The following TSGA10 variants were observed in gnomAD, a reference collection of about 807,000 sequenced individuals.
The protein encoded by TSGA10 is testis-specific gene 10 protein.
A neutral mutation model predicts 96.6 loss-of-function variants in TSGA10; 43 were observed. That is an observed-to-expected ratio of 0.44 (90% CI 0.35 to 0.57). The LOEUF (loss-of-function observed/expected upper bound fraction) is 0.57, where lower values mean the gene tolerates loss of function less well. Among genes scored for constraint, TSGA10 ranks in the 20% least tolerant of loss-of-function variants. The probability of loss-of-function intolerance (pLI) is 0.01; values close to 1 mark genes in which losing one functional copy is unlikely to be tolerated. For synonymous variants in TSGA10, 229 were observed against 269.9 expected, an observed-to-expected ratio of 0.85 and a Z score of 1.48; for missense variants, 703 against 834.4, an observed-to-expected ratio of 0.84 and a Z score of 1.94.
intron 16 of TSGA10, among the ~76,000 whole-genome samples, chr2:99,042,768 A>C (rs959037887): frequency 6.7e-6 from 1 of 149,896 alleles, no homozygotes; most frequent in African/African-American, 2.5e-5. Context: ...TAGTGGCGTG[A>C]TCTCAGCTCA....
intron 15 of TSGA10, among the ~76,000 whole-genome samples, chr2:99,065,442 C>T (rs1167394441): frequency 1.3e-5 from 2 of 152,186 alleles, no homozygotes; most frequent in Non-Finnish European, 2.9e-5. Flanking sequence ...CCACAGCCTG[C>T]TTTTCCCATA....
chr2:99,012,602 T>C (rs781366159), intron 20 of TSGA10, among the ~76,000 whole-genome samples: 20 of 152,100 alleles, frequency 1.3e-4, no homozygotes, highest in Non-Finnish European at 2.1e-4. Context: ...TATATAATGA[T>C]AAAAGGAATA....
intron 12 of TSGA10, among the ~76,000 whole-genome samples, chr2:99,074,313 C>T (rs1286144410): frequency 6.7e-6 from 1 of 150,290 alleles, no homozygotes; most frequent in Non-Finnish European, 1.5e-5. Flanking sequence ...TGCGCCCGGC[C>T]GTTCCTATTT....
intron 17 of TSGA10, among the ~76,000 whole-genome samples, chr2:99,024,908 C>T (rs952256122): frequency 2.6e-5 from 4 of 152,106 alleles, no homozygotes; most frequent in Admixed American, 6.5e-5. Flanking sequence ...GTGTGGTTTT[C>T]GTTCTTGATT....
At chr2:99,078,948 T>C in intron 11 of TSGA10, 135 bp from the exon 12 acceptor site, 4 of 739,636 alleles carry the variant, frequency 5.4e-6, no homozygotes, top group Non-Finnish European at 7.8e-6. Flanking sequence ...ATGAGTACTA[T>C]ATCCCAAATT....
Position 99,135,453 on chromosome 2 carries a change from C to T in TSGA10, c.-620-8277G>A, listed in dbSNP as rs570001761. 2.6e-5 allele frequency among the ~76,000 whole-genome samples: 4 copies of T among 152,270 alleles called. No individual in the cohort carries two copies. The South Asian group carries it at 8.3e-4, about 32-fold the overall frequency. On this transcript the variant is annotated intron_variant, in intron 1 of 20. Transcript: ENST00000393483. ...GAGCTGCAGACAGAATAGAACAGTTCCTATTTGGCCATCTTGCCAGCCACT... is the reference window on the plus strand; with the variant it reads ...GAGCTGCAGACAGAATAGAACAGTTTCTATTTGGCCATCTTGCCAGCCACT...
At chr2:99,151,930 T>G (rs1262370182) in intron 1 of TSGA10, among the ~76,000 whole-genome samples, 1 of 152,222 alleles carries the variant, frequency 6.6e-6, no homozygotes, top group Non-Finnish European at 1.5e-5. Context: ...GGGGGGAAGC[T>G]ATATTTTATT....
intron 10 of TSGA10, among the ~76,000 whole-genome samples, chr2:99,097,125 T>C (rs1279152997): frequency 1.3e-5 from 2 of 152,220 alleles, no homozygotes; most frequent in African/African-American, 4.8e-5. Flanking sequence ...AAACGCTCTG[T>C]ATCTTTTTTA....
intron 1 of TSGA10, chr2:99,141,288 GA>G: frequency 1.8e-6 from 1 of 570,766 alleles, no homozygotes; most frequent in African/African-American, 2.1e-5. Context: ...CGGGAAGGAG[GA>G]GGGGGCGGTT....
At chr2:99,041,716 AC>A (rs1377148327) in intron 16 of TSGA10, among the ~76,000 whole-genome samples, 3 of 152,198 alleles carry the variant, frequency 2.0e-5, no homozygotes, top group South Asian at 2.1e-4. Context: ...AAGACCTAAA[AC>A]CATAAAAATT....
intron 10 of TSGA10, among the ~76,000 whole-genome samples, chr2:99,096,173 A>C (rs2090012594): frequency 6.6e-6 from 1 of 152,264 alleles, no homozygotes; most frequent in Non-Finnish European, 1.5e-5. Context: ...ATTGTAAATT[A>C]AAACATTAGG....
intron 10 of TSGA10, chr2:99,102,605 GTT>G: frequency 6.2e-7 from 1 of 1,614,120 alleles, no homozygotes; most frequent in South Asian, 1.1e-5. Flanking sequence ...TACATGCTCA[GTT>G]TATTACAACT....
intron 17 of TSGA10, among the ~76,000 whole-genome samples, chr2:99,034,696 T>G (rs541333979): frequency 1.3e-5 from 2 of 152,190 alleles, no homozygotes; most frequent in African/African-American, 4.8e-5. Flanking sequence ...CTGGGCTGAA[T>G]AGAAATTTCC....
intron 1 of TSGA10, among the ~76,000 whole-genome samples, chr2:99,139,574 T>C (rs2093451722): frequency 6.6e-6 from 1 of 152,186 alleles, no homozygotes; most frequent in South Asian, 2.1e-4. Flanking sequence ...ACTGCCTCAC[T>C]AACAGAAGGA....
chr2:99,037,485 G>A (rs915692352), intron 16 of TSGA10, among the ~76,000 whole-genome samples: 1 of 152,204 alleles, frequency 6.6e-6, no homozygotes, highest in South Asian at 2.1e-4. Flanking sequence ...TTTGTGGCAT[G>A]TAGTTAAAGC....
chr2:99,120,510 C>T (rs915758002), intron 2 of TSGA10, among the ~76,000 whole-genome samples: 2 of 152,136 alleles, frequency 1.3e-5, no homozygotes, highest in Non-Finnish European at 2.9e-5. Context: ...GGACAGAATG[C>T]CTAGAATTTG....
chr2:99,039,912 A>T (rs1240684559), intron 16 of TSGA10, among the ~76,000 whole-genome samples: 2 of 152,192 alleles, frequency 1.3e-5, no homozygotes, highest in Non-Finnish European at 2.9e-5. Context: ...TAACAAAAAG[A>T]TAATACATCA....
At chr2:99,113,815 G>C (rs2092016568) in intron 4 of TSGA10, among the ~76,000 whole-genome samples, 1 of 152,050 alleles carries the variant, frequency 6.6e-6, no homozygotes, top group Non-Finnish European at 1.5e-5. Flanking sequence ...CCAAAGTGTT[G>C]GAATTACAGG....
intron 17 of TSGA10, among the ~76,000 whole-genome samples, chr2:99,032,015 A>G (rs567308611): frequency 1.2e-4 from 19 of 152,274 alleles, no homozygotes; most frequent in Non-Finnish European, 2.5e-4. Context: ...TCAAAACCCT[A>G]TTGCTGAGTG....
Sources: allele counts gnomAD v4.1 joint callset (sites outside exome capture counted in the v4.1 genomes callset), GRCh38; gene constraint gnomAD v4.1.1; transcripts MANE v1.5; gene names NCBI Gene and HGNC (gene_info 2026-07-23, HGNC 2026-07-21).